ITGA8: variants seen among roughly 807,000 people sequenced by gnomAD.
ITGA8 encodes the protein integrin alpha-8.
In ITGA8, 91 loss-of-function variants were observed where a neutral mutation model predicts 142.3. That is an observed-to-expected ratio of 0.64 (90% CI 0.54 to 0.76). The LOEUF is 0.76. ITGA8 is among the 30% of genes least tolerant of loss of function. The probability of loss-of-function intolerance (pLI) is 0.00; values close to 1 mark genes in which losing one functional copy is unlikely to be tolerated. For missense variants in ITGA8, 1,406 were observed against 1,327.7 expected (o/e 1.06, Z -0.92); for synonymous variants, 505 against 485.2 (o/e 1.04, Z -0.54).
At chr10:15,691,067 C>T (rs543057313) in intron 2 of ITGA8, among the ~76,000 whole-genome samples, 7 of 152,256 alleles carry the variant, frequency 4.6e-5, no homozygotes, top group East Asian at 1.9e-4. Context: ...GGCATACAAA[C>T]GGCCAACAGG....
chr10:15,563,932 A>C (rs891745286), intron 25 of ITGA8, among the ~76,000 whole-genome samples: 1 of 152,052 alleles, frequency 6.6e-6, no homozygotes, highest in African/African-American at 2.4e-5. Flanking sequence ...AAAAAAAAAA[A>C]CAAAAACCAA....
chr10:15,673,118 C>G (rs1834560678), intron 6 of ITGA8, among the ~76,000 whole-genome samples: 1 of 152,148 alleles, frequency 6.6e-6, no homozygotes, highest in African/African-American at 2.4e-5. Context: ...GAGTCTCGCA[C>G]TATTGCCTGG....
intron 2 of ITGA8, among the ~76,000 whole-genome samples, chr10:15,709,788 A>G (rs1300776332): frequency 6.6e-6 from 1 of 152,220 alleles, no homozygotes; most frequent in East Asian, 1.9e-4. Context: ...CTGTATTTCT[A>G]TCTTTAAAGT....
rs191634365 is a variant in ITGA8 at position 15,628,661 on chromosome 10, C to G, written c.1400-12102G>C. 5.9e-3 allele frequency among the ~76,000 whole-genome samples: 891 copies of G among 151,780 alleles called. 21 individuals carry two copies. The highest frequency in any genetic ancestry group is 0.021 in the African/African-American group (862 of 41,240). On this transcript the variant is annotated intron_variant, in intron 13 of 29. Coordinates refer to ENST00000378076, the MANE Select transcript of ITGA8 (RefSeq NM_003638.3). ...TCACCTCTACTTCTTGCATAAGATC[C>G]AAGAACCCTCTCTTGGGGTCTGGAT...
At chr10:15,578,978 T>C (rs1177973346) in intron 23 of ITGA8, among the ~76,000 whole-genome samples, 2 of 152,108 alleles carry the variant, frequency 1.3e-5, no homozygotes, top group Non-Finnish European at 2.9e-5. Flanking sequence ...AATGAATCCA[T>C]TTTTGTTTAT....
At chr10:15,548,035 AT>A (rs145080343) in intron 27 of ITGA8, among the ~76,000 whole-genome samples, 8,286 of 152,008 alleles carry the variant, frequency 0.055, 737 homozygotes, top group African/African-American at 0.19. Flanking sequence ...AATTTTTTAA[AT>A]TTGAAACTTT....
intron 23 of ITGA8, among the ~76,000 whole-genome samples, chr10:15,579,550 A>G (rs962515618): frequency 2.6e-5 from 4 of 152,126 alleles, no homozygotes; most frequent in African/African-American, 7.2e-5. Context: ...ACTAAGATAC[A>G]CTAAGCTTAA....
intron 27 of ITGA8, among the ~76,000 whole-genome samples, chr10:15,547,635 A>G (rs1350303434): frequency 6.6e-6 from 1 of 152,194 alleles, no homozygotes; most frequent in Non-Finnish European, 1.5e-5. Context: ...CTATTGTGGG[A>G]TGCAGAGCCA....
intron 2 of ITGA8, among the ~76,000 whole-genome samples, chr10:15,692,227 C>T (rs1238607203): frequency 2.0e-5 from 3 of 151,936 alleles, no homozygotes; most frequent in Admixed American, 6.6e-5. Flanking sequence ...GCCACTGTAC[C>T]CAGCCTTATA....
chr10:15,637,773 A>C (rs1472510824), intron 13 of ITGA8, among the ~76,000 whole-genome samples: 2 of 151,328 alleles, frequency 1.3e-5, no homozygotes, highest in African/African-American at 2.4e-5. Context: ...GATTACAGGC[A>C]TGAGCTACCG....
intron 8 of ITGA8, among the ~76,000 whole-genome samples, chr10:15,671,210 G>C (rs1197655600): frequency 1.3e-5 from 2 of 152,124 alleles, no homozygotes; most frequent in African/African-American, 2.4e-5. Flanking sequence ...GTAAGGTTGG[G>C]GTGTTGGATT....
chr10:15,580,295 T>C (rs780787644), intron 23 of ITGA8, among the ~76,000 whole-genome samples: 14 of 151,956 alleles, frequency 9.2e-5, no homozygotes, highest in Non-Finnish European at 1.8e-4. Flanking sequence ...ATAGACAAAT[T>C]CCTTTAATGA....
chr10:15,707,575 C>A (rs1197295778), intron 2 of ITGA8, among the ~76,000 whole-genome samples: 2 of 152,074 alleles, frequency 1.3e-5, no homozygotes, highest in African/African-American at 4.8e-5. Context: ...TTAATCCCAG[C>A]ACATTGGGAG....
chr10:15,697,670 A>G (rs1005449939), intron 2 of ITGA8, among the ~76,000 whole-genome samples: 4 of 152,240 alleles, frequency 2.6e-5, no homozygotes, highest in African/African-American at 4.8e-5. Context: ...CTGTGTTCCA[A>G]TAGAATTTCA....
chr10:15,703,282 A>T (rs974656635), intron 2 of ITGA8, among the ~76,000 whole-genome samples: 10 of 152,336 alleles, frequency 6.6e-5, no homozygotes, highest in African/African-American at 2.2e-4. Context: ...TGTCTTCCTT[A>T]AGAACAGAGA....
chr10:15,707,865 T>C (rs1288738993), intron 2 of ITGA8, among the ~76,000 whole-genome samples: 1 of 150,086 alleles, frequency 6.7e-6, no homozygotes, highest in Non-Finnish European at 1.5e-5. Flanking sequence ...AGATAATCAG[T>C]TTGTGTTGTT....
intron 28 of ITGA8, among the ~76,000 whole-genome samples, chr10:15,520,223 G>A (rs1319434108): frequency 6.6e-6 from 1 of 152,016 alleles, no homozygotes; most frequent in East Asian, 1.9e-4. Flanking sequence ...ACCAGACTTG[G>A]CAACATGGTG....
At chr10:15,616,925 C>T (rs950335807) in intron 13 of ITGA8, among the ~76,000 whole-genome samples, 5 of 151,822 alleles carry the variant, frequency 3.3e-5, no homozygotes, top group African/African-American at 7.2e-5. Context: ...TTACACATTT[C>T]GTGTTATCAC....
intron 8 of ITGA8, among the ~76,000 whole-genome samples, chr10:15,661,486 A>G (rs1834286515): frequency 6.6e-6 from 1 of 151,840 alleles, no homozygotes; most frequent in Admixed American, 6.6e-5. Flanking sequence ...TCCAGATAAT[A>G]GAAAACAGAA....
Sources: allele counts gnomAD v4.1 joint callset (sites outside exome capture counted in the v4.1 genomes callset), GRCh38; gene constraint gnomAD v4.1.1; transcripts MANE v1.5; gene names NCBI Gene and HGNC (gene_info 2026-07-23, HGNC 2026-07-21).